Variants in IMMT observed in about 807,000 individuals in gnomAD.
The protein encoded by IMMT is MICOS complex subunit MIC60.
A neutral mutation model predicts 92.7 loss-of-function variants in IMMT; 40 were observed. The ratio of observed to expected loss-of-function variants is 0.43; its 90% CI spans 0.34 to 0.56. IMMT has a LOEUF of 0.56. IMMT is among the 20% of genes least tolerant of loss of function. The pLI is 0.03. For missense variants in IMMT, 831 were observed against 912.1 expected (o/e 0.91, Z 1.14); for synonymous variants, 322 against 336.1 (o/e 0.96, Z 0.46).
At chr2:86,155,669 T>G (rs895075810) in intron 10 of IMMT, among the ~76,000 whole-genome samples, 1 of 152,210 alleles carries the variant, frequency 6.6e-6, no homozygotes. Context: ...ATTTGTCGTT[T>G]AGGGAAATAA....
chr2:86,156,774 T>C (rs769908679), intron 10 of IMMT, among the ~76,000 whole-genome samples: 26 of 152,002 alleles, frequency 1.7e-4, no homozygotes, highest in Non-Finnish European at 3.1e-4. Context: ...CAAATAAAAT[T>C]TGTCCTGCCC....
At chr2:86,160,449 G>A (rs1487774501) in intron 8 of IMMT, among the ~76,000 whole-genome samples, 8 of 152,166 alleles carry the variant, frequency 5.3e-5, no homozygotes, top group Admixed American at 4.6e-4. Flanking sequence ...GAGCCCTCAC[G>A]ATTCAGAATG....
chr2:86,174,546 A>G (rs145005053), intron 3 of IMMT, among the ~76,000 whole-genome samples: 214 of 152,334 alleles, frequency 1.4e-3, no homozygotes, highest in Middle Eastern at 3.4e-3. Context: ...ATGCCAAGAT[A>G]TATCAGTGGC....
At chr2:86,183,822 A>G (rs1019357871) in intron 1 of IMMT, among the ~76,000 whole-genome samples, 3 of 152,236 alleles carry the variant, frequency 2.0e-5, no homozygotes, top group African/African-American at 7.2e-5. Flanking sequence ...AAATCACTGT[A>G]TATCAGTACG....
chr2:86,145,711 C>T (rs1286392772), intron 14 of IMMT, among the ~76,000 whole-genome samples: 1 of 152,008 alleles, frequency 6.6e-6, no homozygotes, highest in Non-Finnish European at 1.5e-5. Context: ...TAAATACTGT[C>T]CATTTGGTAG....
chr2:86,180,534 C>T (rs1273755005), intron 2 of IMMT, among the ~76,000 whole-genome samples: 6 of 151,144 alleles, frequency 4.0e-5, no homozygotes, highest in African/African-American at 1.2e-4. Flanking sequence ...CCAAAGTGCT[C>T]GGATTACAAG....
At chr2:86,170,884 A>G (rs1294884568) in intron 5 of IMMT, 40 bp from the exon 6 acceptor site, 1 of 1,448,856 alleles carries the variant, frequency 6.9e-7, no homozygotes, top group Admixed American at 2.0e-5. Context: ...AAATTTCAGC[A>G]TAGAATTTTA....
intron 11 of IMMT, 96 bp from the exon 12 acceptor site, chr2:86,151,616 T>A (rs893855422): frequency 5.9e-5 from 51 of 862,820 alleles, no homozygotes; most frequent in Non-Finnish European, 9.0e-5. Flanking sequence ...TTAAGAGCAG[T>A]AAACGAAAGT....
rs772794621 is a variant in IMMT, at chr2:86,144,846, G to A, written c.1699C>T (p.His567Tyr). 3 of 1,606,886 alleles carry A rather than the reference G, an allele frequency of 1.9e-6. No homozygotes were observed. The highest frequency in any genetic ancestry group is 2.5e-6 in the Non-Finnish European group (3 of 1,177,080). The change falls in exon 15 of 15, where the codon CAC becomes TAC. Residue 567 changes from histidine (H) to tyrosine (Y), a missense_variant. Coordinates refer to ENST00000410111, the MANE Select transcript of IMMT (RefSeq NM_006839.3). ...GCCTCCACTGAAAGCCAGAGTTGGTGGGCTTTTCTGGCTTCCTCTTCAGCA... is the reference window on the plus strand; with the variant it reads ...GCCTCCACTGAAAGCCAGAGTTGGTAGGCTTTTCTGGCTTCCTCTTCAGCA... ...AVAEEEARKAHQLWLSVEALK... is the reference protein window; with the variant it reads ...AVAEEEARKAYQLWLSVEALK...
At chr2:86,194,538 G>A (rs1439564033) in intron 1 of IMMT, among the ~76,000 whole-genome samples, 1 of 152,160 alleles carries the variant, frequency 6.6e-6, no homozygotes, top group Non-Finnish European at 1.5e-5. Flanking sequence ...TACTTGGTTT[G>A]CTATCTACAT....
chr2:86,170,868 G>C (rs1422053062), intron 5 of IMMT, 24 bp from the exon 6 acceptor site: 1 of 1,517,486 alleles, frequency 6.6e-7, no homozygotes, highest in Non-Finnish European at 9.0e-7. Context: ...TAAATAAGAG[G>C]AAATCAAATT....
Position 86,146,124 on chromosome 2 carries a change from G to C in IMMT, c.1607C>G (p.Thr536Ser). 6.2e-7 allele frequency: 1 copy of C among 1,608,754 alleles called. No individual in the cohort carries two copies. Among genetic ancestry groups the C allele is most frequent in the South Asian group, 1.1e-5 (1 of 90,406 alleles). The change falls in exon 14 of 15, where the codon ACT (threonine) becomes AGT (serine). Residue 536 changes from threonine to serine, a missense_variant. Transcript: ENST00000410111. ...GGCATAGGCAGTATTTATATCCAGA[G>C]TAAAGTTGTCAACTTGCTCTTGACT... ...RLSQEQVDNF[T>S]LDINTAYARL...
Position 86,144,820 on chromosome 2 carries a change from T to C in IMMT, c.1725A>G (p.Ala575=). ...KAHQLWLSVE[A]LKYSMKTSSA... ...ATGAGGTCTTCATGCTGTACTTTAA[T>C]GCCTCCACTGAAAGCCAGAGTTGGT... is the stretch of plus-strand genomic sequence containing the variant. The change falls in exon 15 of 15, where the codon GCA becomes GCG. Residue 575 remains alanine, a synonymous_variant. Coordinates refer to ENST00000410111, the MANE Select transcript of IMMT (RefSeq NM_006839.3). 5 of 1,612,002 alleles carry C rather than the reference T, an allele frequency of 3.1e-6. No homozygotes were observed. Among genetic ancestry groups the C allele is most frequent in the Non-Finnish European group, 4.2e-6 (5 of 1,179,578 alleles).
intron 1 of IMMT, among the ~76,000 whole-genome samples, chr2:86,191,344 CAAAA>C (rs35278001): frequency 1.6e-5 from 2 of 121,830 alleles, no homozygotes; most frequent in African/African-American, 3.1e-5. Context: ...GACCCTATCT[CAAAA>C]AAAAAAAAAA....
At chr2:86,158,559 TC>T (rs34945759) in intron 10 of IMMT, 32 bp downstream of exon 10, 600,444 of 1,459,510 alleles carry the variant, frequency 0.41, 108,776 homozygotes, top group Non-Finnish European at 0.45. Context: ...GGTTAAAACA[TC>T]AAAAAAAAAA....
At chr2:86,186,312 G>A (rs1020548367) in intron 1 of IMMT, among the ~76,000 whole-genome samples, 8 of 152,154 alleles carry the variant, frequency 5.3e-5, no homozygotes, top group Non-Finnish European at 1.0e-4. Flanking sequence ...GTTGGGTCCA[G>A]AAGGCTGAGG....
At chr2:86,160,794 A>C (rs991649427) in intron 8 of IMMT, among the ~76,000 whole-genome samples, 2 of 152,240 alleles carry the variant, frequency 1.3e-5, no homozygotes, top group African/African-American at 4.8e-5. Context: ...ATTTTGGTTA[A>C]GGCAGACAGA....
In IMMT at chr2:86,147,747, A is replaced by C. The variant is rs745578802; in HGVS notation, c.1488T>G (p.Asp496Glu). Residue 496 changes from aspartate (D) to glutamate (E), a missense_variant, in exon 13 of 15, where the codon GAT (aspartate) becomes GAG (glutamate). Transcript: ENST00000410111. ...QAAAHTDHLRDVLRVQEQELK... is the reference protein window; with the variant it reads ...QAAAHTDHLREVLRVQEQELK... ...ATTCCTGTTCTTGTACCCTAAGGAC[A>C]TCTCGCAAGTGATCAGTGTGGGCAG... 1.2e-6 allele frequency: 2 copies of C among 1,613,790 alleles called. No individual in the cohort carries two copies. The highest frequency in any genetic ancestry group is 1.3e-5 in the African/African-American group (1 of 74,928).
At chr2:86,156,807 T>G (rs559561209) in intron 10 of IMMT, among the ~76,000 whole-genome samples, 1 of 152,232 alleles carries the variant, frequency 6.6e-6, no homozygotes, top group African/African-American at 2.4e-5. Flanking sequence ...TTCATTTTAT[T>G]TGAGCCACTG....
Sources: gnomAD v4.1 joint callset for allele counts (sites outside exome capture counted in the v4.1 genomes callset) on GRCh38, gnomAD v4.1.1 for gene constraint, MANE v1.5 for transcripts, NCBI Gene and HGNC (gene_info 2026-07-23, HGNC 2026-07-21) for gene names.